Variants in CCSER1 observed in about 807,000 individuals in gnomAD.
CCSER1 encodes the protein coiled-coil serine rich protein 1.
CCSER1 carries 41 observed loss-of-function variants against 82.0 expected under a neutral mutation model. The ratio of observed to expected loss-of-function variants is 0.50; its 90% CI spans 0.39 to 0.65. The LOEUF (loss-of-function observed/expected upper bound fraction) is 0.65. Ranked by LOEUF, CCSER1 falls within the 30% of genes least tolerant of loss-of-function variation. The pLI is 0.00. For missense variants in CCSER1, 1,119 were observed against 1,064.2 expected, an observed-to-expected ratio of 1.05 and a Z score of -0.72; for synonymous variants, 414 against 383.9, an observed-to-expected ratio of 1.08 and a Z score of -0.92.
At chr4:91,190,184 C>CT (rs1251711348) in intron 10 of CCSER1, among the ~76,000 whole-genome samples, 1 of 152,172 alleles carries the variant, frequency 6.6e-6, no homozygotes, top group African/African-American at 2.4e-5. Flanking sequence ...TCTTAGATGA[C>CT]TAGGATGGAC....
chr4:91,200,763 C>T (rs1735842438), intron 10 of CCSER1, among the ~76,000 whole-genome samples: 1 of 151,890 alleles, frequency 6.6e-6, no homozygotes, highest in African/African-American at 2.4e-5. Context: ...TAAAAAGCCT[C>T]TATATAGATG....
chr4:90,431,102 G>A (rs1190978287), intron 4 of CCSER1, among the ~76,000 whole-genome samples: 1 of 151,980 alleles, frequency 6.6e-6, no homozygotes, highest in Non-Finnish European at 1.5e-5. Context: ...CCCAAAGGAA[G>A]TAATGTTTGT....
At chr4:91,136,910 A>G (rs1561577100) in intron 10 of CCSER1, among the ~76,000 whole-genome samples, 2 of 152,160 alleles carry the variant, frequency 1.3e-5, no homozygotes, top group African/African-American at 2.4e-5. Context: ...ATTTTATAAT[A>G]TAAAAATTTA....
intron 10 of CCSER1, among the ~76,000 whole-genome samples, chr4:91,123,458 G>A (rs1727258227): frequency 1.3e-5 from 2 of 151,716 alleles, no homozygotes; most frequent in Admixed American, 6.6e-5. Context: ...AGTCATCTTT[G>A]TATTTAATTG....
At chr4:91,581,488 A>G (rs530619786) in intron 10 of CCSER1, among the ~76,000 whole-genome samples, 1 of 151,782 alleles carries the variant, frequency 6.6e-6, no homozygotes, top group South Asian at 2.1e-4. Context: ...ACAATTACTT[A>G]CTGCAGCTAA....
chr4:91,402,471 T>A (rs1261326496), intron 10 of CCSER1, among the ~76,000 whole-genome samples: 1 of 152,162 alleles, frequency 6.6e-6, no homozygotes, highest in Non-Finnish European at 1.5e-5. Context: ...TCCTTGCCCA[T>A]GCCTATGTCC....
At chr4:91,287,802 A>C (rs1423471287) in intron 10 of CCSER1, among the ~76,000 whole-genome samples, 1 of 151,934 alleles carries the variant, frequency 6.6e-6, no homozygotes, top group African/African-American at 2.4e-5. Context: ...GGCTAAGCTA[A>C]TACAATAGAT....
intron 5 of CCSER1, among the ~76,000 whole-genome samples, chr4:90,574,020 G>GTT (rs986454504): frequency 6.9e-6 from 1 of 144,372 alleles, no homozygotes; most frequent in African/African-American, 2.5e-5. Context: ...GAAGGATATT[G>GTT]TTTTTTTTTT....
intron 9 of CCSER1, among the ~76,000 whole-genome samples, chr4:91,042,441 A>G (rs1742043849): frequency 6.6e-6 from 1 of 152,208 alleles, no homozygotes; most frequent in Admixed American, 6.5e-5. Flanking sequence ...TTATAGCAGT[A>G]TGAAAACAGA....
chr4:90,867,917 G>A (rs1370726147), intron 8 of CCSER1, among the ~76,000 whole-genome samples: 1 of 151,938 alleles, frequency 6.6e-6, no homozygotes, highest in Non-Finnish European at 1.5e-5. Flanking sequence ...TTGTGTATAT[G>A]CATAACATTG....
At chr4:90,492,960 T>C (rs886653236) in intron 5 of CCSER1, among the ~76,000 whole-genome samples, 1 of 152,048 alleles carries the variant, frequency 6.6e-6, no homozygotes, top group African/African-American at 2.4e-5. Flanking sequence ...AAGATCAAAC[T>C]TCTCCGAGCT....
intron 1 of CCSER1, among the ~76,000 whole-genome samples, chr4:90,240,265 G>C (rs765271977): frequency 1.3e-5 from 2 of 152,148 alleles, no homozygotes; most frequent in Non-Finnish European, 2.9e-5. Flanking sequence ...GTAGGACTCA[G>C]GAGGACTGCC....
chr4:91,507,003 T>C (rs938530683), intron 10 of CCSER1, among the ~76,000 whole-genome samples: 1 of 152,244 alleles, frequency 6.6e-6, no homozygotes, highest in East Asian at 1.9e-4. Context: ...ATCAATTGTA[T>C]GGATATAACA....
chr4:91,274,045 TAAGA>T (rs1560558912), intron 10 of CCSER1, among the ~76,000 whole-genome samples: 1 of 152,190 alleles, frequency 6.6e-6, no homozygotes, highest in Non-Finnish European at 1.5e-5. Context: ...ATTATACCAA[TAAGA>T]AAGTCTAAAA....
chr4:91,078,790 G>A (rs1468622379), intron 9 of CCSER1, among the ~76,000 whole-genome samples: 1 of 152,200 alleles, frequency 6.6e-6, no homozygotes, highest in Non-Finnish European at 1.5e-5. Context: ...GAATGCACAA[G>A]CTTCAATAGC....
chr4:90,797,844 G>C (rs1316376167), intron 7 of CCSER1, among the ~76,000 whole-genome samples: 1 of 152,216 alleles, frequency 6.6e-6, no homozygotes, highest in East Asian at 1.9e-4. Flanking sequence ...GATGTCTGCT[G>C]TTAGCCTGAT....
At chr4:91,454,416 C>T (rs532458912) in intron 10 of CCSER1, among the ~76,000 whole-genome samples, 118 of 152,074 alleles carry the variant, frequency 7.8e-4, no homozygotes, top group Admixed American at 4.5e-3. Context: ...TCTGCCTCTG[C>T]GGTCAAATTT....
Position 90,892,521 on chromosome 4 carries a change from A to T in CCSER1, c.2095-30849A>T, listed in dbSNP as rs76515370. On this transcript the variant is annotated intron_variant, in intron 8 of 10. Coordinates refer to ENST00000509176, the MANE Select transcript of CCSER1 (RefSeq NM_001145065.2). ...CATATTTCTGTGGAACATTATACATACAGCACATTGTTGGATTTTGTTCTC... is the reference window on the plus strand; with the variant it reads ...CATATTTCTGTGGAACATTATACATTCAGCACATTGTTGGATTTTGTTCTC... Among the ~76,000 whole-genome samples, 401 of 152,128 alleles carry T rather than the reference A, an allele frequency of 2.6e-3. 4 individuals are homozygous for T. Among genetic ancestry groups the T allele is most frequent in the African/African-American group, 9.4e-3 (391 of 41,554 alleles).
intron 8 of CCSER1, among the ~76,000 whole-genome samples, chr4:90,832,617 A>T (rs1431301154): frequency 6.6e-6 from 1 of 152,156 alleles, no homozygotes; most frequent in Non-Finnish European, 1.5e-5. Context: ...TAAGCAAATG[A>T]TCATTATTTC....
Sources: gnomAD v4.1 joint callset for allele counts (sites outside exome capture counted in the v4.1 genomes callset) on GRCh38, gnomAD v4.1.1 for gene constraint, MANE v1.5 for transcripts, NCBI Gene and HGNC (gene_info 2026-07-23, HGNC 2026-07-21) for gene names.